Variants in BICD1 observed in about 807,000 individuals in gnomAD.
The protein encoded by BICD1 is protein bicaudal D homolog 1.
Under a neutral mutation model 92.5 loss-of-function variants are expected in BICD1, and 35 were observed. The ratio of observed to expected loss-of-function variants is 0.38; its 90% CI spans 0.29 to 0.50. The LOEUF (loss-of-function observed/expected upper bound fraction) is 0.50. Among genes scored for constraint, BICD1 ranks in the 20% least tolerant of loss-of-function variants. The pLI is 0.93. For missense variants in BICD1, 950 were observed against 1,189.8 expected (o/e 0.80, Z 2.97); for synonymous variants, 429 against 465.1 (o/e 0.92, Z 1.00).
chr12:32,342,156 GTA>G (rs1565684422), intron 8 of BICD1, among the ~76,000 whole-genome samples: 2 of 140,946 alleles, frequency 1.4e-5, no homozygotes, highest in Non-Finnish European at 3.1e-5. Context: ...ATATATGTGT[GTA>G]TATATATGTA....
chr12:32,331,300 G>A (rs1290462641), intron 5 of BICD1, among the ~76,000 whole-genome samples: 1 of 152,114 alleles, frequency 6.6e-6, no homozygotes, highest in Non-Finnish European at 1.5e-5. Flanking sequence ...TAGGAATTCC[G>A]CAATTGCCTG....
chr12:32,154,379 C>A (rs1321934586), intron 1 of BICD1, among the ~76,000 whole-genome samples: 1 of 152,098 alleles, frequency 6.6e-6, no homozygotes, highest in Non-Finnish European at 1.5e-5. Flanking sequence ...GGTTTTCTTC[C>A]CAGTGCCTCT....
At chr12:32,129,419 G>T (rs1394158547) in intron 1 of BICD1, among the ~76,000 whole-genome samples, 10 of 150,854 alleles carry the variant, frequency 6.6e-5, no homozygotes, top group Non-Finnish European at 1.3e-4. Context: ...CAGCTACTTG[G>T]GAGGCTGAGG....
chr12:32,262,279 A>G (rs1266126454), intron 2 of BICD1, among the ~76,000 whole-genome samples: 1 of 151,910 alleles, frequency 6.6e-6, no homozygotes, highest in Non-Finnish European at 1.5e-5. Context: ...TGAGCCTGAA[A>G]TTGGAGAGTC....
intron 4 of BICD1, among the ~76,000 whole-genome samples, chr12:32,307,770 T>C (rs187542171): frequency 3.5e-4 from 54 of 152,346 alleles, no homozygotes; most frequent in South Asian, 6.2e-4. Context: ...TATGACTAGA[T>C]TGATTGAAAC....
chr12:32,203,980 A>G (rs1944980001), intron 1 of BICD1, among the ~76,000 whole-genome samples: 2 of 152,348 alleles, frequency 1.3e-5, no homozygotes, highest in South Asian at 2.1e-4. Flanking sequence ...CCATACATGT[A>G]ACTGACAAAT....
chr12:32,131,950 C>T (rs1942559617), intron 1 of BICD1, among the ~76,000 whole-genome samples: 2 of 152,106 alleles, frequency 1.3e-5, no homozygotes, highest in South Asian at 2.1e-4. Flanking sequence ...ACAAGACTGG[C>T]GGGGGTGCTG....
At chr12:32,316,008 C>T (rs1002905077) in intron 4 of BICD1, among the ~76,000 whole-genome samples, 4 of 151,570 alleles carry the variant, frequency 2.6e-5, no homozygotes, top group South Asian at 2.1e-4. Flanking sequence ...TGGTGGTGTG[C>T]GCCTGTAATC....
intron 2 of BICD1, among the ~76,000 whole-genome samples, chr12:32,262,918 C>A (rs901210332): frequency 1.3e-5 from 2 of 150,688 alleles, no homozygotes; most frequent in South Asian, 4.2e-4. Context: ...CCAAGGTGGG[C>A]GGATCGCTTG....
At chr12:32,168,893 C>T (rs1943853062) in intron 1 of BICD1, among the ~76,000 whole-genome samples, 3 of 151,900 alleles carry the variant, frequency 2.0e-5, no homozygotes, top group Non-Finnish European at 4.4e-5. Context: ...ACCCGGGAGG[C>T]GGAGGTTGCA....
At chr12:32,117,303 T>G (rs1941950328) in intron 1 of BICD1, among the ~76,000 whole-genome samples, 1 of 152,176 alleles carries the variant, frequency 6.6e-6, no homozygotes, top group Non-Finnish European at 1.5e-5. Context: ...ATTCCAGGTG[T>G]TCCAAATAAT....
At chr12:32,369,509 C>A (rs1244594972) in intron 9 of BICD1, among the ~76,000 whole-genome samples, 2 of 152,262 alleles carry the variant, frequency 1.3e-5, no homozygotes, top group African/African-American at 2.4e-5. Flanking sequence ...AGTGTGGAAA[C>A]ACAGTGGCAG....
Position 32,328,111 on chromosome 12 carries a change from C to T in BICD1, c.1656C>T (p.Pro552=), listed in dbSNP as rs200732085. 4.3e-6 allele frequency: 7 copies of T among 1,613,956 alleles called. No individual in the cohort carries two copies. The highest frequency in any genetic ancestry group is 2.2e-5 in the East Asian group (1 of 44,898). The part of the protein sequence containing the change: ...RVTRSGSLKG[P]DDPRGLLSPR... Reference sequence around the variant, plus strand: ...CCCGCAGTGGCAGCCTGAAAGGGCCCGATGATCCCAGAGGACTTTTGTCCC... The same window carrying T: ...CCCGCAGTGGCAGCCTGAAAGGGCCTGATGATCCCAGAGGACTTTTGTCCC... Residue 552 remains proline (P), a synonymous_variant, in exon 5 of 10, where the codon CCC becomes CCT. Transcript: ENST00000652176. The surrounding 1 kb of genome is among the most constrained non-coding windows in gnomAD (Gnocchi z 4.4).
At chr12:32,362,250 C>T (rs1939358542) in intron 8 of BICD1, among the ~76,000 whole-genome samples, 1 of 152,166 alleles carries the variant, frequency 6.6e-6, no homozygotes, top group African/African-American at 2.4e-5. Context: ...ATCCCAGCTA[C>T]TTGGGAGGCT....
chr12:32,110,327 T>C (rs1255056208), intron 1 of BICD1, among the ~76,000 whole-genome samples: 2 of 152,226 alleles, frequency 1.3e-5, no homozygotes, highest in Non-Finnish European at 2.9e-5. Context: ...TTTTTTGACC[T>C]GGCCTGATGT....
Position 32,327,999 on chromosome 12 carries a change from T to A in BICD1, c.1544T>A (p.Leu515Ter). 2 of 1,614,042 alleles carry A rather than the reference T, an allele frequency of 1.2e-6. No homozygotes were observed. Among genetic ancestry groups the A allele is most frequent in the East Asian group, 4.5e-5 (2 of 44,872 alleles). Reference protein sequence around the residue: ...QDELVTFSEELAQLYHHVCLC... With the variant: ...QDELVTFSEE Reference sequence around the variant, plus strand: ...GAGTTAGTGACATTCAGTGAGGAGTTAGCTCAGCTTTACCACCATGTGTGT... The same window carrying A: ...GAGTTAGTGACATTCAGTGAGGAGTAAGCTCAGCTTTACCACCATGTGTGT... Residue 515 changes from leucine (L) to a stop codon, truncating the protein, a stop_gained, in exon 5 of 10, where the codon TTA (leucine) becomes TAA (stop). Coordinates refer to ENST00000652176, the MANE Select transcript of BICD1 (RefSeq NM_001714.4). LOFTEE classifies it high-confidence loss of function.
intron 4 of BICD1, among the ~76,000 whole-genome samples, chr12:32,321,248 C>T (rs999942597): frequency 6.6e-6 from 1 of 151,978 alleles, no homozygotes; most frequent in Non-Finnish European, 1.5e-5. Context: ...ATCGCTTGAA[C>T]CCCGGAGGCA....
chr12:32,242,306 G>A (rs771459758), intron 2 of BICD1, among the ~76,000 whole-genome samples: 5 of 146,968 alleles, frequency 3.4e-5, no homozygotes, highest in African/African-American at 5.0e-5. Context: ...CAGGTGGATC[G>A]CTTGAGGTCA....
chr12:32,219,426 C>G (rs1482339898), intron 2 of BICD1, among the ~76,000 whole-genome samples: 2 of 152,042 alleles, frequency 1.3e-5, no homozygotes, highest in Admixed American at 6.6e-5. Flanking sequence ...CTAGTCAGCT[C>G]TGCTGAAAGT....
Sources: gnomAD v4.1 joint callset for allele counts (sites outside exome capture counted in the v4.1 genomes callset) on GRCh38, gnomAD v4.1.1 for gene constraint, Gnocchi (gnomAD v3.1) non-coding constraint, MANE v1.5 for transcripts, NCBI Gene and HGNC (gene_info 2026-07-23, HGNC 2026-07-21) for gene names.